Variants in LARS2 observed in about 807,000 individuals in gnomAD.
The protein encoded by LARS2 is leucyl-tRNA synthetase 2, mitochondrial, also known as leucine--tRNA ligase, mitochondrial.
A neutral mutation model predicts 116.6 loss-of-function variants in LARS2; 81 were observed. The ratio of observed to expected loss-of-function variants is 0.69; its 90% confidence interval spans 0.58 to 0.84. LARS2 has a LOEUF of 0.84. Among genes scored for constraint, LARS2 ranks in the 40% least tolerant of loss-of-function variants. LARS2 has a pLI of 0.00. For missense variants in LARS2, 968 were observed against 1,114.5 expected, an observed-to-expected ratio of 0.87 and a Z score of 1.87; for synonymous variants, 396 against 407.2, an observed-to-expected ratio of 0.97 and a Z score of 0.33.
In LARS2 at chr3:45,524,086, T is replaced by C. The variant is rs1366864188; in HGVS notation, c.2382T>C (p.His794=). Reference sequence around the variant, plus strand: ...TAATGGCTGCTCCACTGGCCCCTCATGTAACCTCAGAGATCTGGGCAGGTA... The same window carrying C: ...TAATGGCTGCTCCACTGGCCCCTCACGTAACCTCAGAGATCTGGGCAGGTA... ...LMVMAAPLAP[H]VTSEIWAGLA... Residue 794 remains histidine, a synonymous_variant, in exon 20 of 22, where the codon CAT becomes CAC. Coordinates refer to ENST00000645846, the MANE Select transcript of LARS2 (RefSeq NM_015340.4). 1.2e-6 allele frequency: 2 copies of C among 1,612,800 alleles called. No individual in the cohort carries two copies. The highest frequency in any genetic ancestry group is 1.7e-5 in the Admixed American group (1 of 60,000).
rs1328542666 is a variant in LARS2 at position 45,480,022 on chromosome 3, TA to T, written c.1018+3397del. 2.6e-5 allele frequency among the ~76,000 whole-genome samples: 4 copies of T among 152,298 alleles called. No homozygotes were observed. The East Asian group carries it at 7.7e-4, about 29-fold the overall frequency. The stretch of plus-strand genomic sequence containing the variant: ...AAGCCCCAGGTCATTAAATAATAAT[TA>T]ATTGCTCACTACTGTTTTGTCCTTG... On this transcript the variant is annotated intron_variant, in intron 10 of 21. Coordinates refer to ENST00000645846, the MANE Select transcript of LARS2 (RefSeq NM_015340.4).
intron 16 of LARS2, among the ~76,000 whole-genome samples, 196 bp downstream of exon 16, chr3:45,513,431 C>T (rs1700319393): frequency 6.6e-6 from 1 of 152,248 alleles, no homozygotes; most frequent in East Asian, 1.9e-4. Context: ...TGGCCGTCTG[C>T]TCCTCTGCTG....
intron 19 of LARS2, among the ~76,000 whole-genome samples, chr3:45,520,940 C>T (rs757288288): frequency 3.3e-5 from 5 of 152,174 alleles, no homozygotes; most frequent in African/African-American, 7.2e-5. Context: ...GTAATCTCAA[C>T]GCTTTGGAAG....
intron 8 of LARS2, among the ~76,000 whole-genome samples, chr3:45,471,511 G>T (rs1699525114): frequency 6.6e-6 from 1 of 152,164 alleles, no homozygotes. Context: ...TCCCAGCCTT[G>T]ACGATTACAT....
intron 6 of LARS2, among the ~76,000 whole-genome samples, chr3:45,429,149 A>G (rs547496487): frequency 1.3e-5 from 2 of 152,358 alleles, no homozygotes; most frequent in South Asian, 2.1e-4. Context: ...ATAACAAATT[A>G]TCACAAACTT....
intron 8 of LARS2, among the ~76,000 whole-genome samples, chr3:45,466,039 TG>T (rs2125713853): frequency 6.6e-6 from 1 of 152,334 alleles, no homozygotes; most frequent in South Asian, 2.1e-4. Context: ...GTTTCCAAGA[TG>T]GAATGACTGC....
At chr3:45,474,899 T>G (rs143947414) in intron 9 of LARS2, among the ~76,000 whole-genome samples, 82 of 152,300 alleles carry the variant, frequency 5.4e-4, no homozygotes, top group African/African-American at 1.9e-3. Flanking sequence ...TGTGACATCA[T>G]TTCAAAACTA....
intron 19 of LARS2, among the ~76,000 whole-genome samples, chr3:45,523,141 C>G (rs1392828826): frequency 6.6e-6 from 1 of 152,120 alleles, no homozygotes; most frequent in Non-Finnish European, 1.5e-5. Flanking sequence ...TGAAATGAAA[C>G]TGTAATGAAT....
At chr3:45,519,490 C>CAAA (rs373279726) in intron 18 of LARS2, among the ~76,000 whole-genome samples, 3 of 105,884 alleles carry the variant, frequency 2.8e-5, no homozygotes, top group Admixed American at 1.1e-4. Context: ...GTCTCCGTCT[C>CAAA]AAAAAAAAAA....
chr3:45,461,048 A>G (rs1422009480), intron 8 of LARS2, among the ~76,000 whole-genome samples: 5 of 152,182 alleles, frequency 3.3e-5, no homozygotes, highest in Admixed American at 6.5e-5. Context: ...CAAGGGGGAA[A>G]AAAAGGCATT....
rs1435388171 is a variant in LARS2, at chr3:45,541,956, GGTAA to G, written c.2532+4_2532+7del. The G allele has an allele frequency of 6.2e-7, 1 of 1,614,132 alleles. No individual in the cohort carries two copies. On this transcript the variant is annotated splice_donor_variant and splice_donor_region_variant and intron_variant, in intron 21 of 21. Transcript: ENST00000645846. LOFTEE classifies it high-confidence loss of function. ...CTGAGGTTGTCCAGATGGCAGTTCT[GGTAA>G]GTATCTCCCCTCAACCCCAGAACCC...
At chr3:45,392,363 GCGCTCA>G (rs1210297209) in intron 2 of LARS2, among the ~76,000 whole-genome samples, 4 of 150,100 alleles carry the variant, frequency 2.7e-5, no homozygotes, top group African/African-American at 9.8e-5. Context: ...GAGTGCAGTG[GCGCTCA>G]CTGCAACCTC....
At chr3:45,510,832 G>C (rs114981078) in intron 15 of LARS2, among the ~76,000 whole-genome samples, 2,065 of 152,238 alleles carry the variant, frequency 0.014, 30 homozygotes, top group African/African-American at 0.047. Flanking sequence ...TCAGGCATTG[G>C]TTTGGTTCAG....
chr3:45,400,460 A>T, intron 4 of LARS2, 87 bp downstream of exon 4: 2 of 1,338,578 alleles, frequency 1.5e-6, no homozygotes, highest in Non-Finnish European at 2.0e-6. Context: ...AAATGAAGAA[A>T]ACCAACTTTA....
At chr3:45,404,656 G>C (rs1242489593) in intron 4 of LARS2, among the ~76,000 whole-genome samples, 1 of 152,150 alleles carries the variant, frequency 6.6e-6, no homozygotes, top group African/African-American at 2.4e-5. Flanking sequence ...ATAGTTCTAA[G>C]GCACACTAAG....
chr3:45,503,375 T>C (rs1700150114), intron 15 of LARS2, among the ~76,000 whole-genome samples: 1 of 152,138 alleles, frequency 6.6e-6, no homozygotes, highest in African/African-American at 2.4e-5. Context: ...CAGTGACGAT[T>C]CCTGCCTTGT....
rs144912481 is a variant in LARS2, at chr3:45,453,360, G to T, written c.607-5383G>T. 9.2e-5 allele frequency among the ~76,000 whole-genome samples: 14 copies of T among 152,276 alleles called. No individual in the cohort carries two copies. In the East Asian group the frequency reaches 2.7e-3, roughly 29 times the overall value. ...TTGTGCTGGTATTTAGCCTTGGATG[G>T]TGGATATAGTTATTAATGGTTTATT... On this transcript the variant is annotated intron_variant, in intron 7 of 21. Transcript: ENST00000645846.
intron 20 of LARS2, among the ~76,000 whole-genome samples, chr3:45,540,752 C>CTG (rs898836259): frequency 1.7e-5 from 2 of 116,868 alleles, no homozygotes; most frequent in African/African-American, 3.2e-5. Context: ...ATCTGTCTAT[C>CTG]TATCTATCTA....
intron 7 of LARS2, among the ~76,000 whole-genome samples, chr3:45,450,610 C>T (rs1262199479): frequency 1.3e-5 from 2 of 152,104 alleles, no homozygotes; most frequent in African/African-American, 2.4e-5. Context: ...TTTTTAAATC[C>T]ATTAATCCAC....
Sources: allele counts gnomAD v4.1 joint callset (sites outside exome capture counted in the v4.1 genomes callset), GRCh38; gene constraint gnomAD v4.1.1; transcripts MANE v1.5; gene names NCBI Gene and HGNC (gene_info 2026-07-23, HGNC 2026-07-21).